DLGAP2: variants seen among roughly 807,000 people sequenced by gnomAD.
The protein encoded by DLGAP2 is disks large-associated protein 2.
A neutral mutation model predicts 100.3 loss-of-function variants in DLGAP2; 26 were observed. The observed-to-expected ratio is 0.26, with a 90% CI of 0.19 to 0.36. The LOEUF is 0.36. Ranked by LOEUF, DLGAP2 falls within the 10% of genes least tolerant of loss-of-function variation. The pLI is 1.00. For synonymous variants in DLGAP2, 886 were observed against 630.1 expected (o/e 1.41, Z -6.08); for missense variants, 1,858 against 1,453.2 (o/e 1.28, Z -4.53).
chr8:974,211 AT>A (rs1247069726), intron 2 of DLGAP2, among the ~76,000 whole-genome samples: 4 of 152,242 alleles, frequency 2.6e-5, no homozygotes, highest in Non-Finnish European at 5.9e-5. Flanking sequence ...ACAACTAAGC[AT>A]TTCATATTCA....
At chr8:1,519,077 G>A (rs1800498056) in intron 4 of DLGAP2, among the ~76,000 whole-genome samples, 2 of 152,184 alleles carry the variant, frequency 1.3e-5, no homozygotes, top group Non-Finnish European at 2.9e-5. Context: ...CCGTGAAGGA[G>A]CTGGCAGTCC....
chr8:1,515,358 A>G (rs2130389064), intron 4 of DLGAP2, among the ~76,000 whole-genome samples: 1 of 152,344 alleles, frequency 6.6e-6, no homozygotes, highest in East Asian at 1.9e-4. Context: ...TAAGACAGAC[A>G]GGGCAGTCAG....
intron 1 of DLGAP2, among the ~76,000 whole-genome samples, chr8:860,753 T>C (rs1225869931): frequency 6.6e-6 from 1 of 152,252 alleles, no homozygotes; most frequent in African/African-American, 2.4e-5. Flanking sequence ...GGCATGCTTC[T>C]TGGTGATGGA....
chr8:1,467,192 G>T (rs2130182132), intron 3 of DLGAP2, among the ~76,000 whole-genome samples: 2 of 152,136 alleles, frequency 1.3e-5, no homozygotes, highest in East Asian at 3.9e-4. Context: ...GGCCCAGGAG[G>T]TCTCTCATCG....
At chr8:1,692,819 A>G (rs1799286712) in intron 13 of DLGAP2, among the ~76,000 whole-genome samples, 3 of 151,728 alleles carry the variant, frequency 2.0e-5, no homozygotes, top group African/African-American at 7.2e-5. Flanking sequence ...TGACAAGCAA[A>G]CAAAAAGAAA....
rs182404200 is a variant in DLGAP2, at chr8:1,281,377, A to C, written c.106+22494A>C. On this transcript the variant is annotated intron_variant, in intron 3 of 14. Coordinates refer to ENST00000637795, the MANE Select transcript of DLGAP2 (RefSeq NM_001346810.2). Reference sequence around the variant, plus strand: ...GGCTTTCCCTGTCATCATGACCTTGATTTGATTCCTAGTCCCTTAGGCGCC... The same window carrying C: ...GGCTTTCCCTGTCATCATGACCTTGCTTTGATTCCTAGTCCCTTAGGCGCC... Among the ~76,000 whole-genome samples, 67 of 152,192 alleles carry C rather than the reference A, an allele frequency of 4.4e-4. No homozygotes were observed. The East Asian group carries it at 0.013, about 30-fold the overall frequency.
intron 3 of DLGAP2, among the ~76,000 whole-genome samples, chr8:1,491,065 T>G (rs55791347): frequency 0.58 from 44,186 of 76,076 alleles, 11,350 homozygotes; most frequent in Middle Eastern, 0.66. Context: ...TAAATAAAAA[T>G]AAACTGGAAA....
At chr8:1,420,490 A>C (rs1038627352) in intron 3 of DLGAP2, among the ~76,000 whole-genome samples, 17 of 152,164 alleles carry the variant, frequency 1.1e-4, no homozygotes, top group African/African-American at 4.1e-4. Flanking sequence ...ATCCTATAGC[A>C]AATTTCCTAA....
intron 3 of DLGAP2, among the ~76,000 whole-genome samples, chr8:1,427,152 C>T (rs1797259162): frequency 6.6e-6 from 1 of 152,038 alleles, no homozygotes; most frequent in South Asian, 2.1e-4. Context: ...TAAGTATGAA[C>T]TAATAAGCTT....
intron 2 of DLGAP2, among the ~76,000 whole-genome samples, chr8:979,077 C>T (rs1043018720): frequency 1.3e-5 from 2 of 152,034 alleles, no homozygotes; most frequent in Non-Finnish European, 2.9e-5. Flanking sequence ...AATGCTAGCC[C>T]TTGTCATTAA....
intron 4 of DLGAP2, among the ~76,000 whole-genome samples, chr8:1,538,480 TTTC>T (rs1454052989): frequency 6.6e-6 from 1 of 152,194 alleles, no homozygotes; most frequent in Non-Finnish European, 1.5e-5. Context: ...CCCGGGCTGA[TTTC>T]TTTCAGGCTC....
intron 6 of DLGAP2, among the ~76,000 whole-genome samples, chr8:1,582,595 CT>C (rs752025121): frequency 6.6e-6 from 1 of 151,638 alleles, no homozygotes; most frequent in South Asian, 2.1e-4. Context: ...TCGTTCTTTT[CT>C]TTTCCCCCGC....
At chr8:812,608 A>G (rs2132672727) in intron 1 of DLGAP2, among the ~76,000 whole-genome samples, 1 of 152,370 alleles carries the variant, frequency 6.6e-6, no homozygotes, top group South Asian at 2.1e-4. Flanking sequence ...TGACATTTCA[A>G]TTAAATCTGT....
At chr8:1,275,965 AAT>A (rs1475958271) in intron 3 of DLGAP2, among the ~76,000 whole-genome samples, 77 of 125,924 alleles carry the variant, frequency 6.1e-4, no homozygotes, top group African/African-American at 1.4e-3. Flanking sequence ...ATAAATATAT[AAT>A]ATATATAAAT....
At chr8:803,774 A>G (rs2132660104) in intron 1 of DLGAP2, among the ~76,000 whole-genome samples, 1 of 152,310 alleles carries the variant, frequency 6.6e-6, no homozygotes, top group East Asian at 1.9e-4. Flanking sequence ...TTATATTCCC[A>G]TTTTGTGATA....
Position 1,168,932 on chromosome 8 carries a change from T to C in DLGAP2, c.74-89919T>C, listed in dbSNP as rs868658877. Among the ~76,000 whole-genome samples, 564 of 137,176 alleles carry C rather than the reference T, an allele frequency of 4.1e-3. 6 individuals are homozygous for C. Among genetic ancestry groups the C allele is most frequent in the African/African-American group, 0.014 (535 of 36,974 alleles). 90.0% of individuals were successfully genotyped at this position (137,176 alleles called of 152,430 possible). On this transcript the variant is annotated intron_variant, in intron 2 of 14. Coordinates refer to ENST00000637795, the MANE Select transcript of DLGAP2 (RefSeq NM_001346810.2). ...TGGCTTTTGTTGCCATTGCTTTTGG[T>C]GTTTTAGACATGAAGTCCTTGCCCA...
At chr8:1,053,455 C>T (rs1015743011) in intron 2 of DLGAP2, among the ~76,000 whole-genome samples, 4 of 152,078 alleles carry the variant, frequency 2.6e-5, no homozygotes, top group Admixed American at 1.3e-4. Flanking sequence ...CCAGGTGTGT[C>T]CCAGTCAGCT....
rs977577873 is a variant in DLGAP2 at position 1,158,073 on chromosome 8, C to T, written c.74-100778C>T. Among the ~76,000 whole-genome samples the T allele has an allele frequency of 8.5e-5, 13 of 152,224 alleles. 1 individual carries two copies. The highest frequency in any genetic ancestry group is 3.1e-4 in the African/African-American group (13 of 41,468). On this transcript the variant is annotated intron_variant, in intron 2 of 14. Coordinates refer to ENST00000637795, the MANE Select transcript of DLGAP2 (RefSeq NM_001346810.2). ...ATGGCACTGTGCAGCTGCACAGCTGCCCCTTGCAGGTTCTGCCTGAGCATT... is the reference window on the plus strand; with the variant it reads ...ATGGCACTGTGCAGCTGCACAGCTGTCCCTTGCAGGTTCTGCCTGAGCATT...
At chr8:1,335,458 A>G (rs959965029) in intron 3 of DLGAP2, among the ~76,000 whole-genome samples, 10 of 152,186 alleles carry the variant, frequency 6.6e-5, no homozygotes, top group African/African-American at 1.9e-4. Context: ...ACCAAACGGG[A>G]CAGTGTGCTT....
Sources: allele counts gnomAD v4.1 joint callset (sites outside exome capture counted in the v4.1 genomes callset), GRCh38; gene constraint gnomAD v4.1.1; transcripts MANE v1.5; gene names NCBI Gene and HGNC (gene_info 2026-07-23, HGNC 2026-07-21).